The following SLC25A21 variants were observed in gnomAD, a reference collection of about 807,000 sequenced individuals.
SLC25A21 encodes solute carrier family 25 member 21.
In SLC25A21, 47 loss-of-function variants were observed where a neutral mutation model predicts 43.8. The ratio of observed to expected loss-of-function variants is 1.07; its 90% CI spans 0.85 to 1.37. The LOEUF is 1.37. Ranked by LOEUF, SLC25A21 falls within the 40% of genes most tolerant of loss-of-function variation. The pLI, the probability that SLC25A21 is intolerant of heterozygous loss-of-function variation, is 0.00. For missense variants in SLC25A21, 352 were observed against 350.2 expected (o/e 1.00, Z -0.04); for synonymous variants, 131 against 121.3 (o/e 1.08, Z -0.52).
chr14:37,034,884 A>G (rs1961295235), intron 1 of SLC25A21, among the ~76,000 whole-genome samples: 1 of 152,208 alleles, frequency 6.6e-6, no homozygotes, highest in Admixed American at 6.5e-5. Flanking sequence ...GAAAGGGCCT[A>G]ACCGTATTGC....
At chr14:36,962,569 G>A (rs755347640) in intron 1 of SLC25A21, among the ~76,000 whole-genome samples, 9 of 151,678 alleles carry the variant, frequency 5.9e-5, no homozygotes, top group Non-Finnish European at 1.2e-4. Flanking sequence ...TTTCACTTAT[G>A]CAATACTCTT....
chr14:37,096,797 C>A (rs1378690877), intron 1 of SLC25A21, among the ~76,000 whole-genome samples: 1 of 152,004 alleles, frequency 6.6e-6, no homozygotes, highest in Non-Finnish European at 1.5e-5. Context: ...GGTTGACTTT[C>A]CTCAAAACAG....
At chr14:36,737,816 G>A (rs1885106643) in intron 3 of SLC25A21, among the ~76,000 whole-genome samples, 2 of 152,162 alleles carry the variant, frequency 1.3e-5, no homozygotes, top group South Asian at 4.1e-4. Flanking sequence ...AAAGAAAGAA[G>A]CCACCATTTA....
intron 1 of SLC25A21, among the ~76,000 whole-genome samples, chr14:37,004,785 G>C (rs1402071074): frequency 6.6e-6 from 1 of 151,952 alleles, no homozygotes. Flanking sequence ...AAACTGGTAG[G>C]GGGCAGAGCC....
At chr14:36,996,850 A>G (rs1960382610) in intron 1 of SLC25A21, among the ~76,000 whole-genome samples, 1 of 152,162 alleles carries the variant, frequency 6.6e-6, no homozygotes, top group African/African-American at 2.4e-5. Context: ...AGAGTAAATG[A>G]GATGAGGAAA....
intron 2 of SLC25A21, among the ~76,000 whole-genome samples, chr14:36,863,814 C>T (rs150287303): frequency 6.8e-4 from 104 of 152,304 alleles, no homozygotes; most frequent in Non-Finnish European, 8.2e-4. Context: ...GGAGCACTAC[C>T]TATGGATAAG....
chr14:37,001,536 T>C (rs1480285937), intron 1 of SLC25A21, among the ~76,000 whole-genome samples: 2 of 152,176 alleles, frequency 1.3e-5, no homozygotes, highest in East Asian at 1.9e-4. Flanking sequence ...AATAGCCTTA[T>C]TTTTTATGAT....
At chr14:36,753,958 AG>A in intron 3 of SLC25A21, among the ~76,000 whole-genome samples, 1 of 145,112 alleles carries the variant, frequency 6.9e-6, no homozygotes, top group African/African-American at 2.6e-5. Context: ...AGAGAGAGAG[AG>A]AAAGAGAGAG....
intron 1 of SLC25A21, among the ~76,000 whole-genome samples, chr14:36,892,029 C>G (rs191545610): frequency 1.8e-3 from 267 of 152,228 alleles, no homozygotes; most frequent in African/African-American, 6.2e-3. Flanking sequence ...TAAGCATTAC[C>G]CTGATCAAAC....
At chr14:36,936,991 C>T (rs1052002343) in intron 1 of SLC25A21, among the ~76,000 whole-genome samples, 1 of 152,206 alleles carries the variant, frequency 6.6e-6, no homozygotes, top group South Asian at 2.1e-4. Context: ...TATGGTACAA[C>T]AAGGACAGAT....
intron 2 of SLC25A21, among the ~76,000 whole-genome samples, chr14:36,840,495 C>T (rs1889353179): frequency 6.6e-6 from 1 of 152,144 alleles, no homozygotes; most frequent in Non-Finnish European, 1.5e-5. Context: ...AAACGTTTCC[C>T]CCAAATGGGT....
chr14:37,136,907 G>A (rs574632789), intron 1 of SLC25A21, among the ~76,000 whole-genome samples: 1 of 152,142 alleles, frequency 6.6e-6, no homozygotes, highest in Non-Finnish European at 1.5e-5. Flanking sequence ...TAGGGCAGGG[G>A]GAATGGGGAG....
chr14:36,717,875 T>C (rs775835961), intron 6 of SLC25A21, among the ~76,000 whole-genome samples: 40 of 152,304 alleles, frequency 2.6e-4, no homozygotes, highest in Middle Eastern at 6.8e-3. Flanking sequence ...AAGAGAGGAT[T>C]TGAAATATCA....
intron 2 of SLC25A21, among the ~76,000 whole-genome samples, chr14:36,819,906 T>C (rs1463846055): frequency 6.6e-6 from 1 of 152,218 alleles, no homozygotes; most frequent in Non-Finnish European, 1.5e-5. Context: ...ATATAACTTA[T>C]ATATTCCTAT....
At chr14:36,841,775 C>A (rs977296536) in intron 2 of SLC25A21, among the ~76,000 whole-genome samples, 3 of 152,146 alleles carry the variant, frequency 2.0e-5, no homozygotes, top group Non-Finnish European at 4.4e-5. Context: ...CCTCCAAAAT[C>A]TGTCCCCATT....
At chr14:36,884,748 A>G (rs551091276) in intron 1 of SLC25A21, among the ~76,000 whole-genome samples, 85 of 152,164 alleles carry the variant, frequency 5.6e-4, no homozygotes, top group African/African-American at 2.0e-3. Flanking sequence ...GCATTTTTCT[A>G]TATGTCTGTT....
chr14:37,076,212 G>A lies in SLC25A21; in HGVS notation c.70+96069C>T, dbSNP rs144894852. The stretch of plus-strand genomic sequence containing the variant: ...GTCCAGCTCTGTTACCCAGGCTGGA[G>A]AGCAGTGGAGCAATCTCAGCTCACT... On this transcript the variant is annotated intron_variant, in intron 1 of 9. Transcript: ENST00000331299. 3.4e-3 allele frequency among the ~76,000 whole-genome samples: 519 copies of A among 152,150 alleles called. 4 individuals are homozygous for A. Among genetic ancestry groups the A allele is most frequent in the African/African-American group, 0.011 (476 of 41,512 alleles).
chr14:37,100,560 T>C (rs894563308), intron 1 of SLC25A21, among the ~76,000 whole-genome samples: 9 of 152,230 alleles, frequency 5.9e-5, no homozygotes, highest in African/African-American at 1.2e-4. Flanking sequence ...ATGTAATTCA[T>C]TGGTTCATTC....
rs1187203865 is a variant in SLC25A21, at chr14:36,879,369, T to C, written c.71-4365A>G. Among the ~76,000 whole-genome samples, 3 of 152,204 alleles carry C rather than the reference T, an allele frequency of 2.0e-5. No individual in the cohort carries two copies. The East Asian group carries it at 5.8e-4, about 29-fold the overall frequency. ...AACAAGAATTACTATTAGATTTGTT[T>C]AAACTAGACAAAATACTGATTTTAT... On this transcript the variant is annotated intron_variant, in intron 1 of 9. Coordinates refer to ENST00000331299, the MANE Select transcript of SLC25A21 (RefSeq NM_030631.4).
Sources: allele counts gnomAD v4.1 joint callset (sites outside exome capture counted in the v4.1 genomes callset), GRCh38; gene constraint gnomAD v4.1.1; transcripts MANE v1.5; gene names NCBI Gene and HGNC (gene_info 2026-07-23, HGNC 2026-07-21).